Variants in KALRN observed in about 807,000 individuals in gnomAD.
KALRN encodes kalirin RhoGEF kinase.
In KALRN, 70 loss-of-function variants were observed where a neutral mutation model predicts 353.7. That is an observed-to-expected ratio of 0.20 (90% CI 0.16 to 0.24). The LOEUF (loss-of-function observed/expected upper bound fraction) is 0.24. Among genes scored for constraint, KALRN ranks in the 10% least tolerant of loss-of-function variants. The pLI is 1.00. For missense variants in KALRN, 2,791 were observed against 3,756.7 expected (o/e 0.74, Z 6.72); for synonymous variants, 1,391 against 1,434.8 (o/e 0.97, Z 0.69).
At chr3:124,114,100 T>C (rs759796734) in intron 1 of KALRN, among the ~76,000 whole-genome samples, 16 of 152,310 alleles carry the variant, frequency 1.1e-4, no homozygotes, top group Middle Eastern at 3.4e-3. Context: ...CTCAGGCAGC[T>C]GGATGAGGGA....
At chr3:124,244,015 C>T (rs2080822227) in intron 3 of KALRN, among the ~76,000 whole-genome samples, 1 of 152,248 alleles carries the variant, frequency 6.6e-6, no homozygotes, top group Middle Eastern at 3.4e-3. Flanking sequence ...ATAGCAGTTA[C>T]AGCCATAGGT....
chr3:124,634,940 G>C (rs986572587), intron 36 of KALRN, among the ~76,000 whole-genome samples: 3 of 152,160 alleles, frequency 2.0e-5, no homozygotes, highest in Non-Finnish European at 2.9e-5. Context: ...TGACATCTCA[G>C]TTCTTATTTT....
chr3:124,267,138 C>A (rs538082959), intron 4 of KALRN, among the ~76,000 whole-genome samples: 1 of 152,234 alleles, frequency 6.6e-6, no homozygotes, highest in South Asian at 2.1e-4. Flanking sequence ...ACTGGGGTGA[C>A]AAGTGATACA....
At chr3:124,656,562 G>C (rs2084065313) in intron 39 of KALRN, among the ~76,000 whole-genome samples, 2 of 152,202 alleles carry the variant, frequency 1.3e-5, no homozygotes, top group African/African-American at 4.8e-5. Context: ...AGTGAGCTGA[G>C]ATCGCGCCAC....
rs529178000 is a variant in KALRN, at chr3:124,267,473, C to T, written c.457-1270C>T. Among the ~76,000 whole-genome samples, 63 of 152,324 alleles carry T rather than the reference C, an allele frequency of 4.1e-4. No homozygotes were observed. In the South Asian group the frequency reaches 0.012, roughly 28 times the overall value. On this transcript the variant is annotated intron_variant, in intron 4 of 59. Coordinates refer to ENST00000682506, the MANE Select transcript of KALRN (RefSeq NM_001388419.1). Reference sequence around the variant, plus strand: ...AGATTAGCAGGAGTTTGCAACTCTACTTGCACATTAGAATCATCTGAGGGA... The same window carrying T: ...AGATTAGCAGGAGTTTGCAACTCTATTTGCACATTAGAATCATCTGAGGGA...
At chr3:124,056,071 A>C (rs2041511183) in intron 1 of KALRN, among the ~76,000 whole-genome samples, 3 of 152,198 alleles carry the variant, frequency 2.0e-5, no homozygotes, top group Non-Finnish European at 4.4e-5. Flanking sequence ...GATTAAGAAC[A>C]AAGGAGGCAA....
chr3:124,037,042 T>G (rs1022211799), intron 1 of KALRN, among the ~76,000 whole-genome samples: 2 of 152,204 alleles, frequency 1.3e-5, no homozygotes, highest in African/African-American at 4.8e-5. Context: ...GTAATTTTAT[T>G]GATCATAGTT....
At chr3:124,351,270 G>A (rs1167967273) in intron 10 of KALRN, among the ~76,000 whole-genome samples, 3 of 152,138 alleles carry the variant, frequency 2.0e-5, no homozygotes, top group African/African-American at 7.2e-5. Flanking sequence ...GGACACTCTT[G>A]TTCTTTGTTT....
At chr3:124,479,146 G>T (rs150299425) in intron 27 of KALRN, among the ~76,000 whole-genome samples, 14 of 152,248 alleles carry the variant, frequency 9.2e-5, no homozygotes, top group African/African-American at 3.4e-4. Context: ...TCAGTGCCTG[G>T]CACCAGAATG....
intron 21 of KALRN, among the ~76,000 whole-genome samples, chr3:124,449,488 C>G (rs539141376): frequency 6.6e-6 from 1 of 152,130 alleles, no homozygotes; most frequent in Non-Finnish European, 1.5e-5. Flanking sequence ...TCAAGGCACA[C>G]GGAGATGGGG....
intron 34 of KALRN, among the ~76,000 whole-genome samples, chr3:124,595,128 CACTT>C (rs2076158660): frequency 6.6e-6 from 1 of 151,636 alleles, no homozygotes; most frequent in East Asian, 1.9e-4. Flanking sequence ...AAAATTATAT[CACTT>C]AGAGATAACT....
intron 1 of KALRN, among the ~76,000 whole-genome samples, chr3:124,148,501 A>T (rs916865961): frequency 3.3e-5 from 5 of 152,248 alleles, no homozygotes; most frequent in African/African-American, 1.2e-4. Context: ...GCCCAGGGGA[A>T]CATCTAGAGT....
At chr3:124,619,229 T>C (rs2079000008) in intron 34 of KALRN, among the ~76,000 whole-genome samples, 1 of 152,140 alleles carries the variant, frequency 6.6e-6, no homozygotes, top group Non-Finnish European at 1.5e-5. Context: ...TTCATCCAAG[T>C]GGCAGAATTG....
chr3:124,616,664 T>A (rs1021034467), intron 34 of KALRN, among the ~76,000 whole-genome samples: 4 of 152,122 alleles, frequency 2.6e-5, no homozygotes, highest in African/African-American at 9.7e-5. Context: ...TGGGCAGCAC[T>A]TAGAACTTCT....
chr3:124,497,563 T>C (rs944244603), intron 33 of KALRN, among the ~76,000 whole-genome samples: 1 of 152,194 alleles, frequency 6.6e-6, no homozygotes, highest in African/African-American at 2.4e-5. Flanking sequence ...CTCAAGGTCA[T>C]TCAAGGTAAT....
At chr3:124,056,425 C>T (rs2041545583) in intron 1 of KALRN, among the ~76,000 whole-genome samples, 1 of 152,168 alleles carries the variant, frequency 6.6e-6, no homozygotes, top group African/African-American at 2.4e-5. Flanking sequence ...CTGCTCTCAG[C>T]TATTATGCAC....
At chr3:124,496,275 A>AC in intron 32 of KALRN, 36 bp from the exon 33 acceptor site, 1 of 1,189,470 alleles carries the variant, frequency 8.4e-7, no homozygotes, top group South Asian at 1.2e-5. Flanking sequence ...GGTTCCCCCC[A>AC]CCCCCACCCC....
chr3:124,697,671 C>T lies in KALRN; in HGVS notation c.7778C>T (p.Ser2593Phe). ...GTGATTCTCCGCTGGCTGCCCCCCT[C>T]CAGCACAGGAAACTGCACTATTTCT... ...TSVILRWLPP[S>F]STGNCTISGY... Residue 2593 changes from serine to phenylalanine, a missense_variant, in exon 55 of 60, where the codon TCC (serine) becomes TTC (phenylalanine). This residue lies in a region of KALRN where 1,065 missense variants were observed against 1,156.4 expected (regional missense o/e 0.92). Coordinates refer to ENST00000682506, the MANE Select transcript of KALRN (RefSeq NM_001388419.1). The T allele has an allele frequency of 6.2e-7, 1 of 1,605,052 alleles. No homozygotes were observed. Among genetic ancestry groups the T allele is most frequent in the South Asian group, 1.1e-5 (1 of 89,210 alleles).
chr3:124,401,579 G>C (rs561352723), intron 13 of KALRN, among the ~76,000 whole-genome samples: 1 of 152,072 alleles, frequency 6.6e-6, no homozygotes, highest in Non-Finnish European at 1.5e-5. Flanking sequence ...AAAATTCCTC[G>C]TCCCACCCTA....
Sources: gnomAD v4.1 joint callset for allele counts (sites outside exome capture counted in the v4.1 genomes callset) on GRCh38, gnomAD v4.1.1 for gene constraint, gnomAD v4.1.1 regional missense constraint, MANE v1.5 for transcripts, NCBI Gene and HGNC (gene_info 2026-07-23, HGNC 2026-07-21) for gene names.